The following COL19A1 variants were observed in gnomAD, a reference collection of about 807,000 sequenced individuals.
The protein encoded by COL19A1 is collagen type XIX alpha 1 chain, also known as collagen alpha-1(XIX) chain.
A neutral mutation model predicts 190.2 loss-of-function variants in COL19A1; 159 were observed. The observed-to-expected ratio is 0.84, with a 90% CI of 0.73 to 0.95. COL19A1 has a LOEUF of 0.95. COL19A1 is among the 40% of genes least tolerant of loss of function. COL19A1 has a pLI of 0.00. For missense variants in COL19A1, 1,418 were observed against 1,431.9 expected (o/e 0.99, Z 0.16); for synonymous variants, 509 against 458.9 (o/e 1.11, Z -1.39).
intron 15 of COL19A1, among the ~76,000 whole-genome samples, chr6:70,070,584 C>A (rs1158500310): frequency 1.3e-5 from 2 of 152,002 alleles, no homozygotes; most frequent in Admixed American, 6.6e-5. Context: ...TGGATTATAT[C>A]CATATATGCT....
At chr6:70,148,579 G>T (rs1220435189) in intron 27 of COL19A1, among the ~76,000 whole-genome samples, 1 of 152,176 alleles carries the variant, frequency 6.6e-6, no homozygotes, top group Non-Finnish European at 1.5e-5. Context: ...GCCAGGGCAA[G>T]AATGTAAAAG....
At chr6:70,031,880 A>G (rs1252211611) in intron 12 of COL19A1, among the ~76,000 whole-genome samples, 1 of 152,134 alleles carries the variant, frequency 6.6e-6, no homozygotes, top group East Asian at 1.9e-4. Context: ...CTCACCTCTT[A>G]TTACATGAGT....
At chr6:70,193,365 T>C (rs1766999510) in intron 48 of COL19A1, among the ~76,000 whole-genome samples, 1 of 152,204 alleles carries the variant, frequency 6.6e-6, no homozygotes, top group Non-Finnish European at 1.5e-5. Flanking sequence ...TCACCAGACT[T>C]CTGCTTTCTG....
intron 9 of COL19A1, among the ~76,000 whole-genome samples, chr6:69,941,166 G>T (rs987880819): frequency 6.6e-6 from 1 of 152,096 alleles, no homozygotes; most frequent in Non-Finnish European, 1.5e-5. Flanking sequence ...ATTTAGAGGA[G>T]GTAGAACAGT....
intron 48 of COL19A1, among the ~76,000 whole-genome samples, chr6:70,197,505 A>T (rs924857886): frequency 4.6e-5 from 7 of 152,184 alleles, no homozygotes; most frequent in Non-Finnish European, 1.0e-4. Flanking sequence ...AACTGTGATT[A>T]TTGAATTTCA....
intron 19 of COL19A1, among the ~76,000 whole-genome samples, chr6:70,139,361 T>C (rs1786094701): frequency 6.6e-6 from 1 of 152,038 alleles, no homozygotes. Context: ...TCTTTCTGGC[T>C]AACTTTCAAG....
At chr6:70,167,397 T>G (rs950428422) in intron 37 of COL19A1, among the ~76,000 whole-genome samples, 4 of 152,218 alleles carry the variant, frequency 2.6e-5, no homozygotes, top group African/African-American at 9.6e-5. Context: ...ATGTATGATT[T>G]TTTTAAACTA....
chr6:70,174,171 A>G (rs1433850616), intron 41 of COL19A1, among the ~76,000 whole-genome samples: 1 of 152,166 alleles, frequency 6.6e-6, no homozygotes, highest in Admixed American at 6.5e-5. Flanking sequence ...GAGGTTGGGG[A>G]GAAGGTCCAT....
At chr6:70,129,839 A>C (rs1228425891) in intron 17 of COL19A1, among the ~76,000 whole-genome samples, 2 of 152,260 alleles carry the variant, frequency 1.3e-5, no homozygotes, top group African/African-American at 4.8e-5. Flanking sequence ...GGGAGAGCAG[A>C]TCAGAGATGC....
intron 15 of COL19A1, among the ~76,000 whole-genome samples, chr6:70,088,416 G>T (rs1292417818): frequency 6.6e-6 from 1 of 151,936 alleles, no homozygotes; most frequent in African/African-American, 2.4e-5. Flanking sequence ...TTTCTATCCT[G>T]TTTTTTAAGT....
At chr6:70,074,600 T>G (rs1781765782) in intron 15 of COL19A1, among the ~76,000 whole-genome samples, 1 of 152,102 alleles carries the variant, frequency 6.6e-6, no homozygotes, top group Non-Finnish European at 1.5e-5. Flanking sequence ...ATCTCATTGT[T>G]CCAATGAAAT....
At chr6:69,901,702 G>A (rs903674358) in intron 4 of COL19A1, among the ~76,000 whole-genome samples, 2 of 152,200 alleles carry the variant, frequency 1.3e-5, no homozygotes, top group Non-Finnish European at 2.9e-5. Context: ...TTAACTAGGA[G>A]TAGATAACTT....
In COL19A1 at chr6:70,206,909, G is replaced by C; in HGVS notation, c.3232G>C (p.Gly1078Arg). Residue 1078 changes from glycine to arginine, a missense_variant, in exon 50 of 51, where the codon GGA becomes CGA. Coordinates refer to ENST00000620364, the MANE Select transcript of COL19A1 (RefSeq NM_001858.6). The stretch of plus-strand genomic sequence containing the variant: ...ATATATTTCTCACTTAGGCTACAGA[G>C]GACAGAAGGGAGAAAGAGGTGAACC... ...PGDPGPQGYR[G>R]QKGERGEPGI... is the part of the protein sequence containing the mutation. 1 of 1,613,696 alleles carries C rather than the reference G, an allele frequency of 6.2e-7. No homozygotes were observed. The highest frequency in any genetic ancestry group is 8.5e-7 in the Non-Finnish European group (1 of 1,179,820).
At chr6:70,182,943 G>A (rs772244311) in intron 44 of COL19A1, among the ~76,000 whole-genome samples, 1 of 152,100 alleles carries the variant, frequency 6.6e-6, no homozygotes, top group Admixed American at 6.6e-5. Context: ...TGCCAAAGTT[G>A]GGGTGCAAAT....
At chr6:69,918,671 A>T (rs1240923334) in intron 4 of COL19A1, among the ~76,000 whole-genome samples, 1 of 152,058 alleles carries the variant, frequency 6.6e-6, no homozygotes, top group Non-Finnish European at 1.5e-5. Context: ...ACACCTCTGC[A>T]CTCCTGCCTG....
In COL19A1 at chr6:70,130,177, C is replaced by G. The variant is rs1450244843; in HGVS notation, c.1342-5C>G. 1.9e-6 allele frequency: 3 copies of G among 1,612,296 alleles called. No homozygotes were observed. The highest frequency in any genetic ancestry group is 2.7e-5 in the African/African-American group (2 of 74,672). The stretch of plus-strand genomic sequence containing the variant: ...TTTGTATTTTAAATTGTTTTTCACC[C>G]CTAGGGAAATGATGAACATGAAGCT... On this transcript the variant is annotated splice_polypyrimidine_tract_variant and splice_region_variant and intron_variant, in intron 17 of 50. Coordinates refer to ENST00000620364, the MANE Select transcript of COL19A1 (RefSeq NM_001858.6).
chr6:69,983,504 T>A (rs1178907129), intron 11 of COL19A1, among the ~76,000 whole-genome samples: 2 of 152,154 alleles, frequency 1.3e-5, no homozygotes, highest in African/African-American at 4.8e-5. Flanking sequence ...TCCACTACAA[T>A]ATTGAAAAGA....
chr6:69,994,132 T>C (rs943627878), intron 11 of COL19A1, among the ~76,000 whole-genome samples: 9 of 152,054 alleles, frequency 5.9e-5, no homozygotes, highest in African/African-American at 2.2e-4. Flanking sequence ...ATAACATATA[T>C]GGATAGTTTG....
At chr6:70,174,709 C>T (rs1765705300) in intron 41 of COL19A1, among the ~76,000 whole-genome samples, 1 of 152,158 alleles carries the variant, frequency 6.6e-6, no homozygotes, top group Non-Finnish European at 1.5e-5. Flanking sequence ...GGAAAAGACC[C>T]TTACTGGCTT....
Sources: gnomAD v4.1 joint callset for allele counts (sites outside exome capture counted in the v4.1 genomes callset) on GRCh38, gnomAD v4.1.1 for gene constraint, MANE v1.5 for transcripts, NCBI Gene and HGNC (gene_info 2026-07-23, HGNC 2026-07-21) for gene names.